PCDHGB5: variants seen among roughly 807,000 people sequenced by gnomAD.
The protein encoded by PCDHGB5 is protocadherin gamma-B5.
Under a neutral mutation model 62.9 loss-of-function variants are expected in PCDHGB5, and 48 were observed. That is an observed-to-expected ratio of 0.76 (90% CI 0.61 to 0.97). The LOEUF is 0.97. Ranked by LOEUF, PCDHGB5 falls within the 50% of genes least tolerant of loss-of-function variation. PCDHGB5 has a pLI of 0.00. For missense variants in PCDHGB5, 1,118 were observed against 1,198.6 expected, an observed-to-expected ratio of 0.93 and a Z score of 0.99; for synonymous variants, 474 against 511.2, an observed-to-expected ratio of 0.93 and a Z score of 0.98.
In PCDHGB5 at chr5:141,412,947, C is replaced by T. The variant is rs930035804; in HGVS notation, c.2397+12423C>T. On this transcript the variant is annotated intron_variant, in intron 1 of 3. Coordinates refer to ENST00000617380, the MANE Select transcript of PCDHGB5 (RefSeq NM_018925.3). ...AGTAACTTCTTAGGACTCTGAGCGC[C>T]GCTGTTCACCTACTAGGAGAGAAAA... is the stretch of plus-strand genomic sequence containing the variant. The T allele has an allele frequency of 2.3e-5, 11 of 475,008 alleles. No individual in the cohort carries two copies. The Middle Eastern group carries it at 2.2e-3, about 94-fold the overall frequency. 29.4% of individuals were successfully genotyped at this position (475,008 alleles called of 1,614,324 possible). A position where few individuals can be genotyped will look rare whatever the true frequency, so the allele number is the denominator to read the frequency against.
rs1018272442 is a variant in PCDHGB5 at position 141,419,770 on chromosome 5, G to T, written c.2397+19246G>T. The stretch of plus-strand genomic sequence containing the variant: ...TGCGTGCTTTGGGTGACAAGGACTC[G>T]GTCCGCCAGCGCCTGCTAGTCGCTG... On this transcript the variant is annotated intron_variant, in intron 1 of 3. Transcript: ENST00000617380. 6.2e-6 allele frequency: 10 copies of T among 1,613,888 alleles called. No homozygotes were observed. The African/African-American group carries it at 1.2e-4, about 19-fold the overall frequency.
chr5:141,420,415 T>G, intron 1 of PCDHGB5: 1 of 1,217,298 alleles, frequency 8.2e-7, no homozygotes, highest in Non-Finnish European at 1.1e-6. Flanking sequence ...TTATCATTAT[T>G]AAAACAAAAG....
chr5:141,399,389 C>G lies in PCDHGB5; in HGVS notation c.1262C>G (p.Thr421Arg). ...GAGTACAATGTCACCATCACAGCCA[C>G]AGACAGGGGCAAGCCGCCCCTCTCC... is the stretch of plus-strand genomic sequence containing the variant. ...TPEYNVTITA[T>R]DRGKPPLSSS... Residue 421 changes from threonine (T) to arginine (R), a missense_variant, in exon 1 of 4, where the codon ACA (threonine) becomes AGA (arginine). Around this residue, in one of 2 missense-constraint regions of PCDHGB5, gnomAD observed 1,034 missense variants for 1,029.1 expected, o/e 1.00. Transcript: ENST00000617380. 1.2e-6 allele frequency: 2 copies of G among 1,614,024 alleles called. No homozygotes were observed. Among genetic ancestry groups the G allele is most frequent in the East Asian group, 2.2e-5 (1 of 44,882 alleles).
At chr5:141,460,977 G>A in intron 1 of PCDHGB5, among the ~76,000 whole-genome samples, 1 of 131,518 alleles carries the variant, frequency 7.6e-6, no homozygotes, top group African/African-American at 3.4e-5. Context: ...GTGTGTGTGT[G>A]TGTGTGTATA....
intron 1 of PCDHGB5, among the ~76,000 whole-genome samples, chr5:141,401,290 C>T (rs1460193254): frequency 6.6e-6 from 1 of 151,710 alleles, no homozygotes; most frequent in Non-Finnish European, 1.5e-5. Flanking sequence ...TGCGGTGAGC[C>T]GAGATCACTC....
At position 141,485,731 on chromosome 5, in the gene PCDHGB5, C is replaced by G; in HGVS notation, c.2398-9076C>G. 6.2e-7 allele frequency: 1 copy of G among 1,614,152 alleles called. No homozygotes were observed. Among genetic ancestry groups the G allele is most frequent in the Non-Finnish European group, 8.5e-7 (1 of 1,180,022 alleles). ...TTGCACTGGATGTGAAGAAGCGCAG[C>G]GACGGCAGCCTGGTCCCAGAGCTGC... On this transcript the variant is annotated intron_variant, in intron 1 of 3. Transcript: ENST00000617380. The surrounding 1 kb of genome is among the most constrained non-coding windows in gnomAD (Gnocchi z 5.7).
intron 1 of PCDHGB5, among the ~76,000 whole-genome samples, chr5:141,464,442 G>A (rs890758574): frequency 3.3e-5 from 5 of 151,500 alleles, no homozygotes; most frequent in African/African-American, 1.2e-4. Flanking sequence ...TATGTTTGTT[G>A]TTGTTGTTGT....
chr5:141,418,045 G>C (rs754041387), intron 1 of PCDHGB5: 2 of 1,614,002 alleles, frequency 1.2e-6, no homozygotes, highest in Admixed American at 1.7e-5. Context: ...TGGATGTGTC[G>C]GCTCGCGAGC....
At chr5:141,423,549 C>T (rs748764057) in intron 1 of PCDHGB5, 113 of 1,613,568 alleles carry the variant, frequency 7.0e-5, no homozygotes, top group Non-Finnish European at 8.7e-5. Flanking sequence ...TCCCCCAGCC[C>T]AACTATGGGG....
intron 1 of PCDHGB5, chr5:141,419,502 T>C: frequency 6.2e-7 from 1 of 1,612,388 alleles, no homozygotes; most frequent in Admixed American, 1.7e-5. Context: ...AATGTGAGCC[T>C]GCGCGTGTTG....
intron 1 of PCDHGB5, among the ~76,000 whole-genome samples, chr5:141,475,035 G>T (rs983190948): frequency 2.0e-5 from 3 of 152,132 alleles, no homozygotes. Context: ...GTGACTAAAG[G>T]CTTTGTATTT....
chr5:141,404,886 C>T (rs1248535405), intron 1 of PCDHGB5: 2 of 1,613,906 alleles, frequency 1.2e-6, no homozygotes, highest in South Asian at 1.1e-5. Context: ...CTTGTGGTGG[C>T]TGTACAGGAC....
At chr5:141,423,529 C>T in intron 1 of PCDHGB5, 1 of 1,613,754 alleles carries the variant, frequency 6.2e-7, no homozygotes, top group South Asian at 1.1e-5. Flanking sequence ...GCAGAAGAGT[C>T]ACCTGATTTT....
At chr5:141,409,743 T>C in intron 1 of PCDHGB5, 2 of 1,613,048 alleles carry the variant, frequency 1.2e-6, no homozygotes, top group Non-Finnish European at 1.7e-6. Flanking sequence ...AGCGGGGTGG[T>C]GTTCGCGCAG....
At chr5:141,438,248 C>A (rs1370527448) in intron 1 of PCDHGB5, among the ~76,000 whole-genome samples, 1 of 151,970 alleles carries the variant, frequency 6.6e-6, no homozygotes, top group Non-Finnish European at 1.5e-5. Flanking sequence ...AAAAAACTGT[C>A]ATTGAAGAGA....
At chr5:141,415,318 C>T (rs1324377536) in intron 1 of PCDHGB5, 4 of 1,614,252 alleles carry the variant, frequency 2.5e-6, no homozygotes, top group Admixed American at 1.7e-5. Flanking sequence ...CGTCATCGTG[C>T]TGCTGGCGCA....
chr5:141,425,177 GGAATTCCAAACTGA>G (rs2096860295), intron 1 of PCDHGB5, among the ~76,000 whole-genome samples: 1 of 152,036 alleles, frequency 6.6e-6, no homozygotes, highest in South Asian at 2.1e-4. Flanking sequence ...TTATACTTGT[GGAATTCCAAACTGA>G]GAAAAATGAT....
rs1484954022 is a variant in PCDHGB5 at position 141,511,920 on chromosome 5, T to C, written c.*747T>C. 1 of 156,200 alleles carries C rather than the reference T, an allele frequency of 6.4e-6. No individual in the cohort carries two copies. Among genetic ancestry groups the C allele is most frequent in the Non-Finnish European group, 1.4e-5 (1 of 70,262 alleles). The allele number at this position is 156,200 out of a possible 1,614,324, so 9.7% of individuals were successfully genotyped here. The stretch of plus-strand genomic sequence containing the variant: ...CTCCTCCTCAAACAAGAGACTCCAC[T>C]GCATGTTCCAAGACAGTATGGGGTG... On this transcript the variant is annotated 3_prime_UTR_variant, in exon 4 of 4. Coordinates refer to ENST00000617380, the MANE Select transcript of PCDHGB5 (RefSeq NM_018925.3).
chr5:141,489,707 G>A lies in PCDHGB5; in HGVS notation c.2398-5100G>A. 6.2e-7 allele frequency: 1 copy of A among 1,614,194 alleles called. No individual in the cohort carries two copies. Among genetic ancestry groups the A allele is most frequent in the Non-Finnish European group, 8.5e-7 (1 of 1,180,022 alleles). The stretch of plus-strand genomic sequence containing the variant: ...TCTGGGGCACGATTCCCACTGGACA[G>A]TGCCCAGGATCCGGATGTGGGCACC... On this transcript the variant is annotated intron_variant, in intron 1 of 3. Transcript: ENST00000617380. The surrounding 1 kb of genome is among the most constrained non-coding windows in gnomAD (Gnocchi z 4.5).
Sources: allele counts gnomAD v4.1 joint callset (sites outside exome capture counted in the v4.1 genomes callset), GRCh38; gene constraint gnomAD v4.1.1; regional missense constraint gnomAD v4.1.1; non-coding constraint Gnocchi (gnomAD v3.1); transcripts MANE v1.5; gene names NCBI Gene and HGNC (gene_info 2026-07-23, HGNC 2026-07-21).